The following NAALADL2 variants were observed in gnomAD, a reference collection of about 807,000 sequenced individuals.
NAALADL2 encodes inactive N-acetylated-alpha-linked acidic dipeptidase-like protein 2.
NAALADL2 carries 76 observed loss-of-function variants against 87.2 expected under a neutral mutation model. The observed-to-expected ratio is 0.87, with a 90% CI of 0.72 to 1.05. The LOEUF is 1.05. Among genes scored for constraint, NAALADL2 ranks in the 50% least tolerant of loss-of-function variants. The pLI is 0.00. For missense variants in NAALADL2, 1,089 were observed against 945.8 expected, an observed-to-expected ratio of 1.15 and a Z score of -1.99; for synonymous variants, 354 against 331.0, an observed-to-expected ratio of 1.07 and a Z score of -0.75.
intron 9 of NAALADL2, among the ~76,000 whole-genome samples, chr3:175,475,566 T>C (rs1001329971): frequency 1.3e-5 from 2 of 152,214 alleles, no homozygotes; most frequent in African/African-American, 4.8e-5. Context: ...TGGGAAAACC[T>C]GCAGCATTTG....
At chr3:175,554,211 G>A (rs538286487) in intron 9 of NAALADL2, among the ~76,000 whole-genome samples, 6 of 152,102 alleles carry the variant, frequency 3.9e-5, no homozygotes, top group Non-Finnish European at 8.8e-5. Context: ...AGACTTGTGA[G>A]GCAGCAATCG....
intron 10 of NAALADL2, among the ~76,000 whole-genome samples, chr3:175,626,998 A>T (rs114569498): frequency 0.012 from 1,841 of 151,954 alleles, 36 homozygotes; most frequent in African/African-American, 0.042. Flanking sequence ...TTCACCTCAA[A>T]TATTTAAGAT....
intron 1 of NAALADL2, among the ~76,000 whole-genome samples, chr3:174,447,791 G>A (rs1715165199): frequency 6.6e-6 from 1 of 151,752 alleles, no homozygotes; most frequent in South Asian, 2.1e-4. Context: ...CTCCAGCCGG[G>A]GCAACAGAGC....
intron 12 of NAALADL2, among the ~76,000 whole-genome samples, chr3:175,740,726 T>C (rs1745116147): frequency 6.6e-6 from 1 of 152,196 alleles, no homozygotes; most frequent in Non-Finnish European, 1.5e-5. Context: ...AAACAAGCAT[T>C]GTACCTAGGG....
At chr3:174,723,249 T>A (rs2108957783) in intron 2 of NAALADL2, among the ~76,000 whole-genome samples, 1 of 152,198 alleles carries the variant, frequency 6.6e-6, no homozygotes, top group East Asian at 1.9e-4. Context: ...TAAAGGTGAA[T>A]TAAGTTAATT....
intron 2 of NAALADL2, among the ~76,000 whole-genome samples, chr3:175,227,869 G>A (rs189350947): frequency 3.7e-4 from 56 of 151,976 alleles, no homozygotes; most frequent in Admixed American, 7.9e-4. Flanking sequence ...AACAAGAGAA[G>A]CATGTACATT....
intron 9 of NAALADL2, among the ~76,000 whole-genome samples, chr3:175,501,424 G>GACACACACACACACATACACACAC: frequency 6.7e-6 from 1 of 148,932 alleles, no homozygotes; most frequent in South Asian, 2.1e-4. Context: ...ATACGTTTTA[G>GACACACACACACACATACACACAC]ACACACACAC....
At chr3:175,374,916 A>G (rs73184798) in intron 5 of NAALADL2, among the ~76,000 whole-genome samples, 16,338 of 148,394 alleles carry the variant, frequency 0.11, 1,019 homozygotes, top group Admixed American at 0.13. Context: ...AAATAAATAA[A>G]TAAGTCAAGT....
chr3:175,400,821 G>T (rs1770467428), intron 5 of NAALADL2, among the ~76,000 whole-genome samples: 1 of 152,066 alleles, frequency 6.6e-6, no homozygotes, highest in African/African-American at 2.4e-5. Flanking sequence ...ACTGGGCCTA[G>T]ACAAAGCCTT....
Position 175,810,369 on chromosome 3 carries a change from T to A in NAALADL2, c.*7166T>A, listed in dbSNP as rs1463969090. 1 of 152,042 alleles carries A rather than the reference T, an allele frequency of 6.6e-6. No homozygotes were observed. Among genetic ancestry groups the A allele is most frequent in the East Asian group, 1.9e-4 (1 of 5,194 alleles). The allele number at this position is 152,042 out of a possible 1,614,324, so 9.4% of individuals were successfully genotyped here. A position where few individuals can be genotyped will look rare whatever the true frequency, so the allele number is the denominator to read the frequency against. ...ATTGAGATACCACATCCATTAAAAA[T>A]ATAAGTGAATATTTTATATTTAAGT... On this transcript the variant is annotated 3_prime_UTR_variant, in exon 14 of 14. Coordinates refer to ENST00000454872, the MANE Select transcript of NAALADL2 (RefSeq NM_207015.3).
At chr3:174,442,918 G>A (rs927832471) in intron 1 of NAALADL2, among the ~76,000 whole-genome samples, 4 of 152,132 alleles carry the variant, frequency 2.6e-5, no homozygotes, top group Admixed American at 6.5e-5. Context: ...AAGAGTTTCC[G>A]GGCGCAGAGA....
chr3:175,781,804 G>T (rs1181751125), intron 13 of NAALADL2, among the ~76,000 whole-genome samples: 1 of 151,782 alleles, frequency 6.6e-6, no homozygotes, highest in Non-Finnish European at 1.5e-5. Context: ...CTGGTGTGCT[G>T]CACCCACTAA....
intron 2 of NAALADL2, among the ~76,000 whole-genome samples, chr3:175,154,895 CT>C (rs1478796129): frequency 6.6e-6 from 1 of 152,118 alleles, no homozygotes; most frequent in Non-Finnish European, 1.5e-5. Context: ...CTCCATACCC[CT>C]GTTATTTTAA....
At chr3:174,487,076 T>C (rs953150939) in intron 1 of NAALADL2, among the ~76,000 whole-genome samples, 1 of 151,954 alleles carries the variant, frequency 6.6e-6, no homozygotes, top group Non-Finnish European at 1.5e-5. Context: ...GCTTAGACGA[T>C]GGAAGCTGAT....
intron 2 of NAALADL2, among the ~76,000 whole-genome samples, chr3:175,133,136 GAGAC>G (rs1363043313): frequency 1.3e-5 from 2 of 150,198 alleles, no homozygotes; most frequent in Non-Finnish European, 2.9e-5. Flanking sequence ...CGGCCGGGCA[GAGAC>G]GCTCCTCACT....
intron 1 of NAALADL2, among the ~76,000 whole-genome samples, chr3:175,011,783 T>C (rs1749859412): frequency 6.6e-6 from 1 of 152,174 alleles, no homozygotes; most frequent in African/African-American, 2.4e-5. Context: ...AGTGTATTAC[T>C]AAGTTATGTT....
At position 174,723,755 on chromosome 3, in the gene NAALADL2, C is replaced by CAAAAAAAA. The variant is rs10663395; in HGVS notation, c.-114-13865_-114-13858dup. On this transcript the variant is annotated intron_variant, in intron 2 of 3. Coordinates refer to the NAALADL2 transcript ENST00000434257. ...TGGGTGACAGAGCAAGACTCCGTCT[C>CAAAAAAAA]AAAAAAAAAAAAAAAAAAAAAAAAA... is the stretch of plus-strand genomic sequence containing the variant. Among the ~76,000 whole-genome samples the CAAAAAAAA allele has an allele frequency of 5.4e-4, 15 of 27,562 alleles. 2 individuals are homozygous for CAAAAAAAA. Among genetic ancestry groups the CAAAAAAAA allele is most frequent in the African/African-American group, 1.2e-3 (6 of 5,122 alleles). The allele number at this position is 27,562 out of a possible 152,430, so 18.1% of individuals were successfully genotyped here. A position where few individuals can be genotyped will look rare whatever the true frequency, so the allele number is the denominator to read the frequency against.
rs550221142 is a variant in NAALADL2, at chr3:175,728,644, G to A, written c.1897-8662G>A. 5.3e-5 allele frequency among the ~76,000 whole-genome samples: 8 copies of A among 152,212 alleles called. No homozygotes were observed. The East Asian group carries it at 1.5e-3, about 29-fold the overall frequency. ...ATAAATCAGAGACATGTCACTTCAG[G>A]ATGAACATAACAGCCTGAAGGACAC... On this transcript the variant is annotated intron_variant, in intron 11 of 13. Coordinates refer to ENST00000454872, the MANE Select transcript of NAALADL2 (RefSeq NM_207015.3).
At chr3:175,160,360 C>CTTTTTTTT (rs71164618) in intron 2 of NAALADL2, among the ~76,000 whole-genome samples, 822 of 57,000 alleles carry the variant, frequency 0.014, 82 homozygotes, top group Non-Finnish European at 0.021. Flanking sequence ...TCTTTTCTTT[C>CTTTTTTTT]TTTTTTTTTT....
Sources: gnomAD v4.1 joint callset for allele counts (sites outside exome capture counted in the v4.1 genomes callset) on GRCh38, gnomAD v4.1.1 for gene constraint, MANE v1.5 for transcripts, NCBI Gene and HGNC (gene_info 2026-07-23, HGNC 2026-07-21) for gene names.